Variants in PDK3 observed in about 807,000 individuals in gnomAD.
PDK3 encodes the protein pyruvate dehydrogenase kinase 3, also known as pyruvate dehydrogenase kinase, isozyme 3.
In PDK3, 12 loss-of-function variants were observed where a neutral mutation model predicts 32.0. That is an observed-to-expected ratio of 0.37 (90% CI 0.24 to 0.61). The LOEUF is 0.61. Among genes scored for constraint, PDK3 ranks in the 20% least tolerant of loss-of-function variants. The pLI is 0.65. For synonymous variants in PDK3, 122 were observed against 116.3 expected, an observed-to-expected ratio of 1.05 and a Z score of -0.31; for missense variants, 188 against 316.9, an observed-to-expected ratio of 0.59 and a Z score of 3.09.
At chrX:24,513,009 TAA>T (rs1270834740) in intron 5 of PDK3, among the ~76,000 whole-genome samples, 1 of 111,993 alleles carries the variant, frequency 8.9e-6, no homozygotes, top group Non-Finnish European at 1.9e-5. Context: ...GTCTTGATCC[TAA>T]ATTCTCAAAA....
intron 1 of PDK3, among the ~76,000 whole-genome samples, chrX:24,487,475 T>A (rs1338963243): frequency 8.9e-6 from 1 of 111,922 alleles, no homozygotes; most frequent in Non-Finnish European, 1.9e-5. Context: ...CCTGCGCATG[T>A]ACCCCCTGTA....
intron 3 of PDK3, among the ~76,000 whole-genome samples, chrX:24,499,514 T>C (rs1315331880): frequency 1.8e-5 from 2 of 112,068 alleles, no homozygotes; most frequent in East Asian, 5.6e-4. Flanking sequence ...TCCTGTTTCA[T>C]GTATATGTAA....
chrX:24,510,468 G>C (rs1420255356), intron 5 of PDK3, among the ~76,000 whole-genome samples: 1 of 112,335 alleles, frequency 8.9e-6, no homozygotes, highest in Non-Finnish European at 1.9e-5. Flanking sequence ...AGAGAGAAGA[G>C]AATAAAAATT....
intron 5 of PDK3, among the ~76,000 whole-genome samples, chrX:24,515,800 CT>C (rs937835144): frequency 1.6e-3 from 176 of 111,472 alleles, no homozygotes; most frequent in African/African-American, 5.5e-3. Context: ...AAATTTTTAA[CT>C]TTTTTTTCAG....
chrX:24,493,894 G>A (rs1469783487), intron 1 of PDK3, among the ~76,000 whole-genome samples: 1 of 112,098 alleles, frequency 8.9e-6, no homozygotes, highest in African/African-American at 3.2e-5. Context: ...GGAGTTTCCA[G>A]CAGGGCTGGG....
chrX:24,503,241 A>G (rs1430718092), intron 3 of PDK3, 86 bp from the exon 4 acceptor site: 2 of 551,588 alleles, frequency 3.6e-6, no homozygotes, highest in African/African-American at 4.8e-5. Context: ...ACCAGCAGAC[A>G]ACTAGTCTGG....
chrX:24,535,708 C>T (rs1475491995), downstream of PDK3, among the ~76,000 whole-genome samples: 1 of 109,045 alleles, frequency 9.2e-6, no homozygotes, highest in African/African-American at 3.3e-5. Context: ...TATTTTACAA[C>T]CTGCTTTTGT....
chrX:24,465,834 G>C (rs143556599), intron 1 of PDK3, among the ~76,000 whole-genome samples: 4 of 111,740 alleles, frequency 3.6e-5, no homozygotes, highest in African/African-American at 1.3e-4. Flanking sequence ...GCGGTCGTTA[G>C]CTTCAAATCT....
chrX:24,531,089 G>A (rs988098017), intron 9 of PDK3, among the ~76,000 whole-genome samples: 8 of 104,952 alleles, frequency 7.6e-5, no homozygotes, highest in Admixed American at 6.2e-4. Flanking sequence ...GTGTGGAGAT[G>A]GAGTCTTGCT....
rs748073504 is a variant in PDK3 at position 24,526,185 on chromosome X, T to C, written c.674-13T>C. The stretch of plus-strand genomic sequence containing the variant: ...GGGTCCTTATTGATTGATGGTTTTG[T>C]CTCTGTTTTCAGCCAAAGCGCCAGA... On this transcript the variant is annotated splice_polypyrimidine_tract_variant and intron_variant, in intron 6 of 10. Coordinates refer to ENST00000379162, the MANE Select transcript of PDK3 (RefSeq NM_005391.5). The C allele has an allele frequency of 3.4e-6, 4 of 1,179,139 alleles. No homozygotes were observed. Among genetic ancestry groups the C allele is most frequent in the Non-Finnish European group, 4.6e-6 (4 of 868,717 alleles).
chrX:24,495,686 C>A (rs775576786), intron 2 of PDK3, among the ~76,000 whole-genome samples: 1 of 112,573 alleles, frequency 8.9e-6, no homozygotes, highest in African/African-American at 3.2e-5. Context: ...TGTTCACCAA[C>A]CTGGAGACTC....
chrX:24,498,153 C>T (rs1921762525), intron 2 of PDK3, among the ~76,000 whole-genome samples: 1 of 112,289 alleles, frequency 8.9e-6, no homozygotes, highest in African/African-American at 3.2e-5. Context: ...CAGTGTCACA[C>T]ATGTGTTTCT....
At chrX:24,530,126 CTCACA>C (rs1338890799) in intron 9 of PDK3, among the ~76,000 whole-genome samples, 1 of 111,832 alleles carries the variant, frequency 8.9e-6, no homozygotes, top group African/African-American at 3.2e-5. Flanking sequence ...GGCAGATTTG[CTCACA>C]TCTCTTCCTA....
Position 24,465,427 on chromosome X carries a change from A to G in PDK3, c.-29A>G, listed in dbSNP as rs766199392. The G allele has an allele frequency of 1.6e-5, 18 of 1,118,440 alleles. No individual in the cohort carries two copies. The Admixed American group carries it at 3.0e-4, about 19-fold the overall frequency. The allele number at this position is 1,118,440 out of a possible 1,213,427, so 92.2% of individuals were successfully genotyped here. On this transcript the variant is annotated 5_prime_UTR_variant, in exon 1 of 11. Coordinates refer to ENST00000379162, the MANE Select transcript of PDK3 (RefSeq NM_005391.5). Reference sequence around the variant, plus strand: ...AGCCCTTGCGGCCACCCGGGCGTCTAGGCGGGTCTGTGCGCCGCCCGGGCG... The same window carrying G: ...AGCCCTTGCGGCCACCCGGGCGTCTGGGCGGGTCTGTGCGCCGCCCGGGCG...
At chrX:24,469,737 G>C (rs2148178257) in intron 1 of PDK3, among the ~76,000 whole-genome samples, 1 of 111,714 alleles carries the variant, frequency 9.0e-6, no homozygotes, top group South Asian at 3.7e-4. Context: ...GCTGCAGTGA[G>C]CTGTGTTTCT....
downstream of PDK3, among the ~76,000 whole-genome samples, chrX:24,534,730 C>G (rs1204417414): frequency 1.8e-5 from 2 of 112,530 alleles, no homozygotes; most frequent in African/African-American, 6.5e-5. Context: ...TGGATGATCT[C>G]TTGAAGCCAG....
downstream of PDK3, among the ~76,000 whole-genome samples, chrX:24,537,235 G>A (rs1922797827): frequency 9.7e-6 from 1 of 103,019 alleles, no homozygotes; most frequent in African/African-American, 3.6e-5. Flanking sequence ...TCATGTCTCA[G>A]CCTCCCAAGT....
chrX:24,470,169 T>C (rs1323531403), intron 1 of PDK3, among the ~76,000 whole-genome samples: 1 of 112,107 alleles, frequency 8.9e-6, no homozygotes, highest in Non-Finnish European at 1.9e-5. Context: ...AAAAGATAAA[T>C]TTTTGTTTTC....
chrX:24,503,034 CT>C (rs1921898815), intron 3 of PDK3, among the ~76,000 whole-genome samples: 1 of 76,716 alleles, frequency 1.3e-5, no homozygotes, highest in South Asian at 6.7e-4. Context: ...TATGCAATCA[CT>C]TATCCAAAAA....
Sources: allele counts gnomAD v4.1 joint callset (sites outside exome capture counted in the v4.1 genomes callset), GRCh38; gene constraint gnomAD v4.1.1; transcripts MANE v1.5; gene names NCBI Gene and HGNC (gene_info 2026-07-23, HGNC 2026-07-21).